METTL25: variants seen among roughly 807,000 people sequenced by gnomAD.
The protein encoded by METTL25 is methyltransferase like 25.
A neutral mutation model predicts 71.6 loss-of-function variants in METTL25; 64 were observed. The ratio of observed to expected loss-of-function variants is 0.89; its 90% CI spans 0.73 to 1.10. METTL25 has a LOEUF of 1.10. METTL25 is among the 50% of genes least tolerant of loss of function. The pLI is 0.00. For missense variants in METTL25, 807 were observed against 707.0 expected, an observed-to-expected ratio of 1.14 and a Z score of -1.60; for synonymous variants, 287 against 250.3, an observed-to-expected ratio of 1.15 and a Z score of -1.38.
At chr12:82,382,398 C>T (rs759127866) in intron 1 of METTL25, among the ~76,000 whole-genome samples, 2 of 152,118 alleles carry the variant, frequency 1.3e-5, no homozygotes, top group Non-Finnish European at 2.9e-5. Context: ...TGTTTTAAAT[C>T]ACCTTTTTCT....
At chr12:82,428,219 A>C (rs1366010563) in intron 5 of METTL25, among the ~76,000 whole-genome samples, 1 of 151,898 alleles carries the variant, frequency 6.6e-6, no homozygotes, top group Non-Finnish European at 1.5e-5. Flanking sequence ...CAACCTACTC[A>C]TGTAGCTATC....
chr12:82,465,202 T>A (rs752105477), intron 9 of METTL25, among the ~76,000 whole-genome samples: 26 of 151,976 alleles, frequency 1.7e-4, no homozygotes, highest in Non-Finnish European at 3.4e-4. Flanking sequence ...GGAAAAGCTT[T>A]CAGTTTTCCC....
intron 1 of METTL25, among the ~76,000 whole-genome samples, chr12:82,364,368 C>T (rs1296672951): frequency 6.6e-6 from 1 of 152,210 alleles, no homozygotes; most frequent in Non-Finnish European, 1.5e-5. Flanking sequence ...AGTTTCATAC[C>T]ATGTGAACTT....
chr12:82,402,101 G>C (rs1418726366), intron 4 of METTL25, among the ~76,000 whole-genome samples: 3 of 152,116 alleles, frequency 2.0e-5, no homozygotes, highest in Non-Finnish European at 2.9e-5. Flanking sequence ...GTATGTGTGT[G>C]TGTACATTTA....
intron 5 of METTL25, among the ~76,000 whole-genome samples, chr12:82,424,539 A>C (rs962395594): frequency 5.6e-5 from 2 of 35,522 alleles, no homozygotes; most frequent in African/African-American, 1.6e-4. Flanking sequence ...GTATAATATA[A>C]AACTATATAT....
intron 2 of METTL25, chr12:82,388,790 T>C (rs1885301471): frequency 6.6e-6 from 1 of 152,014 alleles, no homozygotes; most frequent in Non-Finnish European, 1.5e-5. Context: ...AATCAGCATA[T>C]TTGTTTACTA....
intron 6 of METTL25, 63 bp from the exon 7 acceptor site, chr12:82,434,632 T>G: frequency 8.0e-7 from 1 of 1,253,228 alleles, no homozygotes; most frequent in Non-Finnish European, 1.1e-6. Flanking sequence ...TCTTATACAG[T>G]GTGTTTATAA....
chr12:82,472,911 GT>G (rs1892652864), intron 9 of METTL25, among the ~76,000 whole-genome samples: 1 of 152,122 alleles, frequency 6.6e-6, no homozygotes, highest in Non-Finnish European at 1.5e-5. Context: ...CCCTACATTG[GT>G]TTCTATGCAC....
At chr12:82,435,573 T>C (rs1889857492) in intron 7 of METTL25, among the ~76,000 whole-genome samples, 1 of 151,410 alleles carries the variant, frequency 6.6e-6, no homozygotes, top group Non-Finnish European at 1.5e-5. Context: ...TGTGGGACTT[T>C]AGTTACAAAC....
intron 5 of METTL25, among the ~76,000 whole-genome samples, chr12:82,416,875 A>G (rs80162935): frequency 0.018 from 2,722 of 152,260 alleles, 79 homozygotes; most frequent in African/African-American, 0.062. Flanking sequence ...TCCGTAGGCA[A>G]TATTTTGAAT....
intron 5 of METTL25, among the ~76,000 whole-genome samples, chr12:82,430,284 G>A (rs1889376871): frequency 6.8e-6 from 1 of 148,072 alleles, no homozygotes; most frequent in South Asian, 2.2e-4. Context: ...CAGTAGATAT[G>A]TGATTAAGTA....
intron 8 of METTL25, among the ~76,000 whole-genome samples, chr12:82,452,664 C>T (rs1009511442): frequency 1.3e-5 from 2 of 152,144 alleles, no homozygotes; most frequent in African/African-American, 4.8e-5. Flanking sequence ...TTTAAGATTA[C>T]TTTATGAAAT....
intron 1 of METTL25, among the ~76,000 whole-genome samples, chr12:82,362,659 A>G (rs542053213): frequency 6.6e-6 from 1 of 152,158 alleles, no homozygotes; most frequent in Non-Finnish European, 1.5e-5. Context: ...CTCTTTGAGA[A>G]TTTTGTGTGG....
At chr12:82,374,582 T>C (rs1030945777) in intron 1 of METTL25, among the ~76,000 whole-genome samples, 1 of 152,218 alleles carries the variant, frequency 6.6e-6, no homozygotes, top group African/African-American at 2.4e-5. Context: ...TATAATCCTC[T>C]AGCTCAATAG....
At chr12:82,370,742 T>C (rs1306154050) in intron 1 of METTL25, among the ~76,000 whole-genome samples, 1 of 151,974 alleles carries the variant, frequency 6.6e-6, no homozygotes, top group African/African-American at 2.4e-5. Context: ...GTCTCTCTCT[T>C]TCTCTCTCTG....
chr12:82,373,234 A>G (rs1883461588), intron 1 of METTL25, among the ~76,000 whole-genome samples: 1 of 152,108 alleles, frequency 6.6e-6, no homozygotes, highest in South Asian at 2.1e-4. Context: ...AGGGATCTCG[A>G]GGGTTGGAAG....
chr12:82,477,165 G>A (rs781313501), intron 10 of METTL25, 116 bp from the exon 11 acceptor site: 5 of 509,062 alleles, frequency 9.8e-6, no homozygotes, highest in African/African-American at 2.0e-5. Flanking sequence ...GGATTTTGGA[G>A]ATTCAGCCTA....
rs1891790778 is a variant in METTL25 at position 82,460,493 on chromosome 12, T to A, written c.1572+3673T>A. Among the ~76,000 whole-genome samples, 3 of 152,222 alleles carry A rather than the reference T, an allele frequency of 2.0e-5. No individual in the cohort carries two copies. The South Asian group carries it at 6.2e-4, about 32-fold the overall frequency. On this transcript the variant is annotated intron_variant, in intron 9 of 11. Transcript: ENST00000248306. ...AAGTAATCAAGCTCAACATGAACAG[T>A]GATAATTCATGTTGCTAGTATGTAC... is the stretch of plus-strand genomic sequence containing the variant.
At chr12:82,423,506 C>T (rs563569588) in intron 5 of METTL25, among the ~76,000 whole-genome samples, 89 of 152,236 alleles carry the variant, frequency 5.8e-4, no homozygotes, top group African/African-American at 2.1e-3. Flanking sequence ...ACTAAAACAC[C>T]AAAAGCAATG....
Sources: gnomAD v4.1 joint callset for allele counts (sites outside exome capture counted in the v4.1 genomes callset) on GRCh38, gnomAD v4.1.1 for gene constraint, MANE v1.5 for transcripts, NCBI Gene and HGNC (gene_info 2026-07-23, HGNC 2026-07-21) for gene names.